The following CNTNAP2 variants were observed in gnomAD, a reference collection of about 807,000 sequenced individuals.
CNTNAP2 encodes the protein contactin-associated protein-like 2.
In CNTNAP2, 98 loss-of-function variants were observed where a neutral mutation model predicts 155.2. That is an observed-to-expected ratio of 0.63 (90% confidence interval 0.54 to 0.75). The LOEUF (loss-of-function observed/expected upper bound fraction) is 0.75. CNTNAP2 is among the 30% of genes least tolerant of loss of function. CNTNAP2 has a pLI of 0.00. For missense variants in CNTNAP2, 1,727 were observed against 1,688.1 expected (o/e 1.02, Z -0.40); for synonymous variants, 651 against 631.2 (o/e 1.03, Z -0.47).
intron 1 of CNTNAP2, among the ~76,000 whole-genome samples, chr7:146,286,604 C>T (rs1167063595): frequency 1.3e-5 from 2 of 152,094 alleles, no homozygotes; most frequent in African/African-American, 4.8e-5. Context: ...TGTTAAAAAC[C>T]CCTGAATGAC....
chr7:146,914,491 C>G (rs1386288744), intron 3 of CNTNAP2, among the ~76,000 whole-genome samples: 1 of 151,980 alleles, frequency 6.6e-6, no homozygotes, highest in African/African-American at 2.4e-5. Context: ...TATGGCCATT[C>G]TTGCAGGACT....
intron 2 of CNTNAP2, among the ~76,000 whole-genome samples, chr7:146,824,225 T>C (rs553327123): frequency 6.6e-6 from 1 of 152,340 alleles, no homozygotes; most frequent in Admixed American, 6.5e-5. Flanking sequence ...CTCATTCTTT[T>C]TTATGGCTGC....
At chr7:147,663,691 A>G (rs888511040) in intron 13 of CNTNAP2, among the ~76,000 whole-genome samples, 5 of 152,240 alleles carry the variant, frequency 3.3e-5, no homozygotes, top group Non-Finnish European at 7.3e-5. Flanking sequence ...TGCAATTATT[A>G]CTACAAATGC....
intron 19 of CNTNAP2, among the ~76,000 whole-genome samples, chr7:148,225,356 G>A (rs1435363537): frequency 6.6e-6 from 1 of 152,160 alleles, no homozygotes; most frequent in African/African-American, 2.4e-5. Flanking sequence ...GCAAAGACCT[G>A]AAGGAGTGAG....
chr7:146,612,516 TTA>T (rs1391839359), intron 1 of CNTNAP2, among the ~76,000 whole-genome samples: 5 of 143,642 alleles, frequency 3.5e-5, no homozygotes, highest in African/African-American at 1.5e-4. Flanking sequence ...AAGCCAGAGA[TTA>T]TGAGTATCCA....
intron 1 of CNTNAP2, among the ~76,000 whole-genome samples, chr7:146,582,197 G>T (rs6958159): frequency 0.034 from 5,123 of 152,146 alleles, 285 homozygotes; most frequent in African/African-American, 0.12. Context: ...TTTCCCCATA[G>T]CAAAATCAAG....
chr7:147,234,934 C>T (rs1364003889), intron 8 of CNTNAP2, among the ~76,000 whole-genome samples: 2 of 152,144 alleles, frequency 1.3e-5, no homozygotes, highest in African/African-American at 4.8e-5. Flanking sequence ...TTATTTGATG[C>T]AGACGCTTTG....
rs779199556 is a variant in CNTNAP2, at chr7:148,107,415, T to C, written c.2384-10703T>C. Reference sequence around the variant, plus strand: ...CTCCTCCCGCAAACTTGTCCTCTGATCATTTTGTGTTGCAGCCGTGAAACA... The same window carrying C: ...CTCCTCCCGCAAACTTGTCCTCTGACCATTTTGTGTTGCAGCCGTGAAACA... On this transcript the variant is annotated intron_variant, in intron 15 of 23. Transcript: ENST00000361727. Among the ~76,000 whole-genome samples, 93 of 152,168 alleles carry C rather than the reference T, an allele frequency of 6.1e-4. 5 individuals are homozygous for C. The highest frequency in any genetic ancestry group is 2.9e-5 in the Non-Finnish European group (2 of 68,040).
intron 1 of CNTNAP2, 100 bp downstream of exon 1, chr7:146,117,073 C>A: frequency 1.0e-6 from 1 of 997,500 alleles, no homozygotes; most frequent in East Asian, 2.6e-5. Flanking sequence ...AGTGCTGGCA[C>A]CCTGATGTGT....
intron 2 of CNTNAP2, among the ~76,000 whole-genome samples, chr7:146,791,313 G>A (rs1802670241): frequency 6.6e-6 from 1 of 152,108 alleles, no homozygotes; most frequent in South Asian, 2.1e-4. Context: ...GTGTATATGT[G>A]CCACATTTTC....
intron 13 of CNTNAP2, among the ~76,000 whole-genome samples, chr7:147,725,459 C>G (rs1400290096): frequency 6.6e-6 from 1 of 152,014 alleles, no homozygotes. Context: ...GATGCTTCTG[C>G]GTTTTTATAT....
At chr7:147,835,563 C>T (rs910134431) in intron 13 of CNTNAP2, among the ~76,000 whole-genome samples, 1 of 152,084 alleles carries the variant, frequency 6.6e-6, no homozygotes, top group East Asian at 1.9e-4. Context: ...AGCAATAATG[C>T]TCAAGTGTAA....
chr7:147,479,005 G>A (rs572282148), intron 10 of CNTNAP2, among the ~76,000 whole-genome samples: 49 of 152,324 alleles, frequency 3.2e-4, no homozygotes, highest in Non-Finnish European at 5.1e-4. Flanking sequence ...CAGGAAGAAA[G>A]GGGAAAGGGC....
intron 10 of CNTNAP2, among the ~76,000 whole-genome samples, chr7:147,430,797 G>A (rs1797451855): frequency 6.6e-6 from 1 of 152,108 alleles, no homozygotes; most frequent in South Asian, 2.1e-4. Context: ...GGGCACAGTG[G>A]CTCACACCTG....
chr7:147,597,917 C>T (rs907987902), intron 12 of CNTNAP2, among the ~76,000 whole-genome samples: 3 of 152,136 alleles, frequency 2.0e-5, no homozygotes, highest in Admixed American at 6.5e-5. Context: ...TTCCCAAGGG[C>T]GTAGGTCAGA....
intron 13 of CNTNAP2, among the ~76,000 whole-genome samples, chr7:147,798,553 T>C (rs1309611089): frequency 1.3e-5 from 2 of 152,188 alleles, no homozygotes; most frequent in Non-Finnish European, 2.9e-5. Flanking sequence ...TAGCTACAGA[T>C]GTAACATCTA....
At chr7:147,245,738 G>A (rs1269673078) in intron 8 of CNTNAP2, among the ~76,000 whole-genome samples, 3 of 105,360 alleles carry the variant, frequency 2.8e-5, no homozygotes, top group African/African-American at 1.2e-4. Context: ...CTCCAGCCTA[G>A]GCAAAAGAGT....
chr7:148,373,065 A>G (rs1798919104), intron 21 of CNTNAP2, among the ~76,000 whole-genome samples: 1 of 152,184 alleles, frequency 6.6e-6, no homozygotes, highest in South Asian at 2.1e-4. Flanking sequence ...ACACACATGG[A>G]GCTGTCATCT....
chr7:147,900,687 G>T (rs1799853423), intron 13 of CNTNAP2, among the ~76,000 whole-genome samples: 1 of 152,060 alleles, frequency 6.6e-6, no homozygotes, highest in Non-Finnish European at 1.5e-5. Flanking sequence ...TGCAATCTCT[G>T]CTCACTGCAA....
Sources: gnomAD v4.1 joint callset for allele counts (sites outside exome capture counted in the v4.1 genomes callset) on GRCh38, gnomAD v4.1.1 for gene constraint, MANE v1.5 for transcripts, NCBI Gene and HGNC (gene_info 2026-07-23, HGNC 2026-07-21) for gene names.